The following CKAP5 variants were observed in gnomAD, a reference collection of about 807,000 sequenced individuals.
CKAP5 encodes the protein cytoskeleton-associated protein 5.
In CKAP5, 27 loss-of-function variants were observed where a neutral mutation model predicts 232.8. The observed-to-expected ratio is 0.12, with a 90% confidence interval of 0.09 to 0.16. The LOEUF (loss-of-function observed/expected upper bound fraction) is 0.16. Ranked by LOEUF, CKAP5 falls within the 10% of genes least tolerant of loss-of-function variation. The pLI is 1.00. For missense variants in CKAP5, 1,838 were observed against 2,424.7 expected, an observed-to-expected ratio of 0.76 and a Z score of 5.08; for synonymous variants, 785 against 841.1, an observed-to-expected ratio of 0.93 and a Z score of 1.16.
rs150984675 is a variant in CKAP5, at chr11:46,819,376, T to C, written c.58-873A>G. ...ATGGTACAAAGTAAGCTGGAGAGGA[T>C]TGGAAAAGGCCAGATCATGCAGGAC... is the stretch of plus-strand genomic sequence containing the variant. On this transcript the variant is annotated intron_variant, in intron 2 of 43. Transcript: ENST00000529230. Among the ~76,000 whole-genome samples, 420 of 152,166 alleles carry C rather than the reference T, an allele frequency of 2.8e-3. 3 individuals carry two copies. The highest frequency in any genetic ancestry group is 9.8e-3 in the African/African-American group (407 of 41,524).
chr11:46,775,932 CT>C (rs1343429972), intron 24 of CKAP5, among the ~76,000 whole-genome samples: 1 of 151,982 alleles, frequency 6.6e-6, no homozygotes, highest in African/African-American at 2.4e-5. Context: ...TGTAACGAAC[CT>C]GCATGTTCTG....
intron 38 of CKAP5, 132 bp downstream of exon 38, chr11:46,752,503 A>G: frequency 1.7e-6 from 1 of 584,366 alleles, no homozygotes; most frequent in Non-Finnish European, 2.8e-6. Context: ...TTTATTACGA[A>G]AAATATATTT....
chr11:46,813,429 G>A (rs969306764), intron 4 of CKAP5, among the ~76,000 whole-genome samples: 3 of 152,038 alleles, frequency 2.0e-5, no homozygotes, highest in African/African-American at 7.2e-5. Context: ...GATGGAGCAA[G>A]TCCACATGGA....
chr11:46,761,519 T>C (rs2065155071), intron 32 of CKAP5, among the ~76,000 whole-genome samples: 1 of 152,164 alleles, frequency 6.6e-6, no homozygotes. Context: ...ATGAGGTAAC[T>C]GAAGACGGAG....
At chr11:46,784,300 T>C (rs536882186) in intron 17 of CKAP5, among the ~76,000 whole-genome samples, 188 bp downstream of exon 17, 3 of 151,732 alleles carry the variant, frequency 2.0e-5, no homozygotes, top group Non-Finnish European at 4.4e-5. Flanking sequence ...CCCGGGAGGG[T>C]TGCAGTGAGC....
intron 1 of CKAP5, among the ~76,000 whole-genome samples, chr11:46,833,572 G>A (rs4752941): frequency 0.14 from 20,977 of 150,718 alleles, 2,452 homozygotes; most frequent in East Asian, 0.61. Context: ...TCTGCCTCCC[G>A]GGTTCACGCC....
chr11:46,803,788 G>GT (rs1450213215), intron 8 of CKAP5, among the ~76,000 whole-genome samples: 1 of 152,090 alleles, frequency 6.6e-6, no homozygotes, highest in African/African-American at 2.4e-5. Flanking sequence ...TCTAATTACT[G>GT]TAAGTCTATG....
chr11:46,812,962 A>C (rs549378268), intron 4 of CKAP5, among the ~76,000 whole-genome samples: 3 of 151,966 alleles, frequency 2.0e-5, no homozygotes, highest in Admixed American at 2.0e-4. Flanking sequence ...AATTATTATT[A>C]TTATTTTTGA....
At position 46,770,822 on chromosome 11, in the gene CKAP5, T is replaced by C. The variant is rs1446137866; in HGVS notation, c.3152A>G (p.Tyr1051Cys). Residue 1051 changes from tyrosine (Y) to cysteine (C), a missense_variant, in exon 25 of 44, where the codon TAT (tyrosine) becomes TGT (cysteine). Tyr to Cys is a radical substitution (Grantham distance 194). Around this residue, in one of 6 missense-constraint regions of CKAP5, gnomAD observed 767 missense variants for 954.6 expected, o/e 0.80. Coordinates refer to ENST00000529230, the MANE Select transcript of CKAP5 (RefSeq NM_001008938.4). ...ALPFFMMHLG[Y>C]EKMAKATGKL... Reference sequence around the variant, plus strand: ...CCCAGTAGCCTTGGCCATTTTTTCATATCCTAAATGCATCATGAAGAATGG... The same window carrying C: ...CCCAGTAGCCTTGGCCATTTTTTCACATCCTAAATGCATCATGAAGAATGG... The C allele has an allele frequency of 5.0e-6, 8 of 1,614,004 alleles. No individual in the cohort carries two copies. The highest frequency in any genetic ancestry group is 1.3e-5 in the African/African-American group (1 of 74,938).
chr11:46,826,333 A>G (rs1419496421), intron 1 of CKAP5, among the ~76,000 whole-genome samples: 1 of 152,162 alleles, frequency 6.6e-6, no homozygotes, highest in Non-Finnish European at 1.5e-5. Context: ...GACAACTTGG[A>G]GTTACTGCTC....
Position 46,769,983 on chromosome 11 carries a change from G to A in CKAP5, c.3302C>T (p.Ala1101Val). The change falls in exon 26 of 44, where the codon GCC (alanine) becomes GTC (valine). Residue 1101 changes from alanine to valine, a missense_variant. Coordinates refer to ENST00000529230, the MANE Select transcript of CKAP5 (RefSeq NM_001008938.4). ...GTTACCTGATGCAGGCTGGAATTTG[G>A]CTGGAGCGGACCCTCCCATTGGTTT... ...TSKPMGGSAP[A>V]KFQPASAPAE... is the part of the protein sequence containing the mutation. 6.2e-7 allele frequency: 1 copy of A among 1,614,114 alleles called. No individual in the cohort carries two copies. The highest frequency in any genetic ancestry group is 1.1e-5 in the South Asian group (1 of 91,084).
intron 26 of CKAP5, among the ~76,000 whole-genome samples, chr11:46,769,419 G>A (rs1423514587): frequency 6.6e-6 from 1 of 152,158 alleles, no homozygotes; most frequent in Non-Finnish European, 1.5e-5. Flanking sequence ...TTTGGGATCG[G>A]GTGTGGTGGT....
intron 1 of CKAP5, among the ~76,000 whole-genome samples, chr11:46,830,954 A>C (rs1939778306): frequency 6.6e-6 from 1 of 151,952 alleles, no homozygotes; most frequent in Non-Finnish European, 1.5e-5. Flanking sequence ...AGTCCCAGCT[A>C]CTCGGGAGGC....
intron 16 of CKAP5, 140 bp downstream of exon 16, chr11:46,788,541 T>A: frequency 1.8e-6 from 1 of 558,908 alleles, no homozygotes; most frequent in South Asian, 2.0e-5. Flanking sequence ...GCCATTGCAC[T>A]CCAGCCTGGG....
chr11:46,809,619 G>T, intron 6 of CKAP5, 119 bp from the exon 7 acceptor site: 1 of 1,355,994 alleles, frequency 7.4e-7, no homozygotes, highest in Non-Finnish European at 1.0e-6. Flanking sequence ...AGTTATTAAA[G>T]CTACATGCAA....
At position 46,770,854 on chromosome 11, in the gene CKAP5, A is replaced by C; in HGVS notation, c.3120T>G (p.Asp1040Glu). 2 of 1,614,212 alleles carry C rather than the reference A, an allele frequency of 1.2e-6. No individual in the cohort carries two copies. The highest frequency in any genetic ancestry group is 1.7e-6 in the Non-Finnish European group (2 of 1,180,032). ...AATGCATCATGAAGAATGGCAAGGC[A>C]TCTTGGGCCTTCTTTCGCACATCTC... ...RNGDVRKKAQ[D>E]ALPFFMMHLG... is the part of the protein sequence containing the mutation. Residue 1040 changes from aspartate to glutamate, a missense_variant, in exon 25 of 44, where the codon GAT (aspartate) becomes GAG (glutamate). By Grantham distance (45) the Asp-to-Glu change is conservative (BLOSUM62 2). Around this residue, in one of 6 missense-constraint regions of CKAP5, gnomAD observed 767 missense variants for 954.6 expected, o/e 0.80. Coordinates refer to ENST00000529230, the MANE Select transcript of CKAP5 (RefSeq NM_001008938.4).
intron 1 of CKAP5, among the ~76,000 whole-genome samples, chr11:46,841,363 A>AAAATCTC (rs1940048124): frequency 6.6e-6 from 1 of 152,136 alleles, no homozygotes; most frequent in Admixed American, 6.5e-5. Context: ...TGTGGGGAAA[A>AAAATCTC]AAATCTCACA....
At chr11:46,814,197 C>T (rs1565749297) in intron 4 of CKAP5, among the ~76,000 whole-genome samples, 1 of 138,098 alleles carries the variant, frequency 7.2e-6, no homozygotes, top group Admixed American at 7.1e-5. Context: ...ACTAAGGACA[C>T]AAAAGATTTA....
intron 3 of CKAP5, among the ~76,000 whole-genome samples, chr11:46,817,648 T>C (rs1441312803): frequency 6.6e-6 from 1 of 152,214 alleles, no homozygotes; most frequent in African/African-American, 2.4e-5. Context: ...ATATATTTCT[T>C]GTGCAATTAA....
Sources: gnomAD v4.1 joint callset for allele counts (sites outside exome capture counted in the v4.1 genomes callset) on GRCh38, gnomAD v4.1.1 for gene constraint, gnomAD v4.1.1 regional missense constraint, MANE v1.5 for transcripts, NCBI Gene and HGNC (gene_info 2026-07-23, HGNC 2026-07-21) for gene names.